Variants in CDCA7L observed in about 807,000 individuals in gnomAD.
CDCA7L encodes the protein cell division cycle associated 7 like.
A neutral mutation model predicts 57.4 loss-of-function variants in CDCA7L; 44 were observed. That is an observed-to-expected ratio of 0.77 (90% CI 0.60 to 0.98). The LOEUF is 0.98. Among genes scored for constraint, CDCA7L ranks in the 50% least tolerant of loss-of-function variants. The pLI, the probability that CDCA7L is intolerant of heterozygous loss-of-function variation, is 0.00. For missense variants in CDCA7L, 644 were observed against 580.6 expected (o/e 1.11, Z -1.12); for synonymous variants, 236 against 202.8 (o/e 1.16, Z -1.39).
In CDCA7L at chr7:21,901,646, T is replaced by TA. The variant is rs537857378; in HGVS notation, c.*675_*676insT. 334 of 158,508 alleles carry TA rather than the reference T, an allele frequency of 2.1e-3. 2 individuals are homozygous for TA. The highest frequency in any genetic ancestry group is 2.5e-3 in the Non-Finnish European group (177 of 72,164). The allele number at this position is 158,508 out of a possible 1,614,324, so 9.8% of individuals were successfully genotyped here. On this transcript the variant is annotated 3_prime_UTR_variant, in exon 10 of 10. Coordinates refer to ENST00000406877, the MANE Select transcript of CDCA7L (RefSeq NM_018719.5). ...AATGCAGCCGGAAAGAACGGAGATT[T>TA]TAATTTTTAACAAACAACAAATTAA... is the stretch of plus-strand genomic sequence containing the variant.
rs150016835 is a variant in CDCA7L at position 21,906,412 on chromosome 7, C to A, written c.798G>T (p.Thr266=). 5.6e-6 allele frequency: 9 copies of A among 1,612,716 alleles called. No individual in the cohort carries two copies. The African/African-American group carries it at 1.2e-4, about 22-fold the overall frequency. Residue 266 remains threonine, a synonymous_variant, in exon 6 of 10, where the codon ACG becomes ACT. Coordinates refer to ENST00000406877, the MANE Select transcript of CDCA7L (RefSeq NM_018719.5). ...VRRAFSEGQI[T]RRMNPTRSAR... is the part of the protein sequence containing the mutation. ...CACTCCGGGTTGGGTTCATACGCCG[C>A]GTGATCTGTCCCTCCGAGAAGGCCC... is the stretch of plus-strand genomic sequence containing the variant.
intron 1 of CDCA7L, among the ~76,000 whole-genome samples, chr7:21,936,335 C>G (rs189351302): frequency 8.3e-4 from 126 of 152,230 alleles, no homozygotes; most frequent in Middle Eastern, 3.4e-3. Context: ...TCTATGTGAC[C>G]AGCATTATCC....
chr7:21,901,371 TTTTTCAACGC>T lies in CDCA7L; in HGVS notation c.*941_*950del. The T allele has an allele frequency of 2.2e-6, 3 of 1,338,330 alleles. No individual in the cohort carries two copies. Among genetic ancestry groups the T allele is most frequent in the Non-Finnish European group, 2.9e-6 (3 of 1,026,968 alleles). 82.9% of individuals were successfully genotyped at this position (1,338,330 alleles called of 1,614,324 possible). A position where few individuals can be genotyped will look rare whatever the true frequency, so the allele number is the denominator to read the frequency against. On this transcript the variant is annotated 3_prime_UTR_variant, in exon 10 of 10. Coordinates refer to ENST00000406877, the MANE Select transcript of CDCA7L (RefSeq NM_018719.5). Reference sequence around the variant, plus strand: ...TTTTAGTAACTCACACGTGCATTCTTTTTTCAACGCTATCCTTAGAGTGAAAGTCAGAAAA... The same window carrying T: ...TTTTAGTAACTCACACGTGCATTCTTTATCCTTAGAGTGAAAGTCAGAAAA...
chr7:21,932,946 A>G lies in CDCA7L; in HGVS notation c.24+12835T>C, dbSNP rs572533866. ...TCCAGAATCTACAAGGAAATTAAACAAATTTATAAGAAAAAAAAAAAGAAC... is the reference window on the plus strand; with the variant it reads ...TCCAGAATCTACAAGGAAATTAAACGAATTTATAAGAAAAAAAAAAAGAAC... On this transcript the variant is annotated intron_variant, in intron 1 of 9. Transcript: ENST00000406877. Among the ~76,000 whole-genome samples the G allele has an allele frequency of 7.8e-4, 114 of 146,676 alleles. 1 individual carries two copies. The highest frequency in any genetic ancestry group is 3.8e-4 in the Non-Finnish European group (26 of 67,692).
At position 21,902,126 on chromosome 7, in the gene CDCA7L, A is replaced by ATAG. The variant is rs1248535460; in HGVS notation, c.*193_*195dup. 2.2e-5 allele frequency: 14 copies of ATAG among 626,370 alleles called. No individual in the cohort carries two copies. The African/African-American group carries it at 2.4e-4, about 11-fold the overall frequency. 38.8% of individuals were successfully genotyped at this position (626,370 alleles called of 1,614,324 possible). ...CAGACAGGTCTGTGCATACATCTATATAGATTCCTCTGCTCTGCTGTCTTC... is the reference window on the plus strand; with the variant it reads ...CAGACAGGTCTGTGCATACATCTATATAGTAGATTCCTCTGCTCTGCTGTCTTC... On this transcript the variant is annotated 3_prime_UTR_variant, in exon 10 of 10. Transcript: ENST00000406877.
chr7:21,918,699 C>T (rs1785564385), intron 1 of CDCA7L, among the ~76,000 whole-genome samples: 2 of 152,280 alleles, frequency 1.3e-5, no homozygotes, highest in South Asian at 4.1e-4. Flanking sequence ...TTTGCCAAGA[C>T]TACTTTTTAG....
At chr7:21,945,122 TACTC>T (rs1260651288) in intron 1 of CDCA7L, among the ~76,000 whole-genome samples, 2 of 152,110 alleles carry the variant, frequency 1.3e-5, no homozygotes, top group South Asian at 2.1e-4. Flanking sequence ...TGGGGGAACT[TACTC>T]AAGTGTTTGC....
chr7:21,926,141 G>C (rs1785818520), intron 1 of CDCA7L, among the ~76,000 whole-genome samples: 3 of 152,314 alleles, frequency 2.0e-5, no homozygotes, highest in Admixed American at 2.0e-4. Flanking sequence ...TAGCTTGTTA[G>C]TGTCCTTACA....
At position 21,908,474 on chromosome 7, in the gene CDCA7L, C is replaced by T. The variant is rs1440789438; in HGVS notation, c.337G>A (p.Ala113Thr). The change falls in exon 4 of 10, where the codon GCA (alanine) becomes ACA (threonine). Residue 113 changes from alanine to threonine, a missense_variant. By Grantham distance (58) the Ala-to-Thr change is moderately conservative. Coordinates refer to ENST00000406877, the MANE Select transcript of CDCA7L (RefSeq NM_018719.5). ...VESDLSDDGK[A>T]SLVSEEEEDE... ...TCCTCTTCCTCGCTCACCAAAGATGCTTTGCCATCATCACTCAAATCTGAC... is the reference window on the plus strand; with the variant it reads ...TCCTCTTCCTCGCTCACCAAAGATGTTTTGCCATCATCACTCAAATCTGAC... 6.5e-7 allele frequency: 1 copy of T among 1,544,458 alleles called. No individual in the cohort carries two copies. Among genetic ancestry groups the T allele is most frequent in the South Asian group, 1.3e-5 (1 of 78,216 alleles).
intron 3 of CDCA7L, among the ~76,000 whole-genome samples, chr7:21,909,855 G>C (rs759717133): frequency 6.6e-6 from 1 of 152,182 alleles, no homozygotes; most frequent in Non-Finnish European, 1.5e-5. Flanking sequence ...AAGAGCACAA[G>C]TGTAGTACAT....
At chr7:21,942,090 A>G (rs1036007018) in intron 1 of CDCA7L, among the ~76,000 whole-genome samples, 1 of 152,220 alleles carries the variant, frequency 6.6e-6, no homozygotes, top group African/African-American at 2.4e-5. Flanking sequence ...TGCCTAGCAC[A>G]TAACCGGTGC....
intron 1 of CDCA7L, among the ~76,000 whole-genome samples, chr7:21,942,096 G>A (rs1786357563): frequency 6.6e-6 from 1 of 152,094 alleles, no homozygotes; most frequent in Non-Finnish European, 1.5e-5. Context: ...GCACATAACC[G>A]GTGCTCAACT....
At chr7:21,902,516 T>G (rs1156548097) in intron 9 of CDCA7L, 164 bp from the exon 10 acceptor site, 3 of 672,506 alleles carry the variant, frequency 4.5e-6, no homozygotes, top group Middle Eastern at 4.9e-4. Flanking sequence ...TACCCTCTGG[T>G]GTAGTACGCC....
chr7:21,944,855 G>T (rs1381204125), intron 1 of CDCA7L: 2 of 149,058 alleles, frequency 1.3e-5, no homozygotes, highest in Admixed American at 6.7e-5. Context: ...TGAGTCTCGC[G>T]ACTCTCAATA....
rs547875413 is a variant in CDCA7L, at chr7:21,901,410, T to C, written c.*912A>G. 8.4e-5 allele frequency: 90 copies of C among 1,076,500 alleles called. No homozygotes were observed. In the East Asian group the frequency reaches 2.5e-3, roughly 30 times the overall value. 66.7% of individuals were successfully genotyped at this position (1,076,500 alleles called of 1,614,324 possible). A position where few individuals can be genotyped will look rare whatever the true frequency, so the allele number is the denominator to read the frequency against. On this transcript the variant is annotated 3_prime_UTR_variant, in exon 10 of 10. Coordinates refer to ENST00000406877, the MANE Select transcript of CDCA7L (RefSeq NM_018719.5). Reference sequence around the variant, plus strand: ...CCTTAGAGTGAAAGTCAGAAAAAAATACTAGAAACTAACTCAGGGCTGAGC... The same window carrying C: ...CCTTAGAGTGAAAGTCAGAAAAAAACACTAGAAACTAACTCAGGGCTGAGC...
chr7:21,935,572 T>A, intron 1 of CDCA7L, among the ~76,000 whole-genome samples: 1 of 140,182 alleles, frequency 7.1e-6, no homozygotes, highest in South Asian at 2.4e-4. Flanking sequence ...AAGAGAAAAA[T>A]CAATGAAGCC....
chr7:21,935,944 GT>G (rs765666888), intron 1 of CDCA7L, among the ~76,000 whole-genome samples: 12 of 152,102 alleles, frequency 7.9e-5, no homozygotes, highest in Non-Finnish European at 1.8e-4. Flanking sequence ...GGAGGCGGAG[GT>G]TGCAGTGAGC....
intron 1 of CDCA7L, among the ~76,000 whole-genome samples, chr7:21,931,836 A>C (rs1000953283): frequency 2.0e-5 from 3 of 152,236 alleles, no homozygotes; most frequent in African/African-American, 7.2e-5. Flanking sequence ...AAAGAAATAA[A>C]AAGTATTCAA....
chr7:21,914,566 T>G (rs1162691621), intron 2 of CDCA7L, among the ~76,000 whole-genome samples: 1 of 152,124 alleles, frequency 6.6e-6, no homozygotes, highest in East Asian at 1.9e-4. Context: ...CATGGACCAG[T>G]GGGCAGAAAG....
Sources: gnomAD v4.1 joint callset for allele counts (sites outside exome capture counted in the v4.1 genomes callset) on GRCh38, gnomAD v4.1.1 for gene constraint, MANE v1.5 for transcripts, NCBI Gene and HGNC (gene_info 2026-07-23, HGNC 2026-07-21) for gene names.